SUMF1: variants seen among roughly 807,000 people sequenced by gnomAD.
The protein encoded by SUMF1 is formylglycine-generating enzyme.
A neutral mutation model predicts 47.6 loss-of-function variants in SUMF1; 48 were observed. That is an observed-to-expected ratio of 1.01 (90% CI 0.80 to 1.28). The LOEUF (loss-of-function observed/expected upper bound fraction) is 1.28, where lower values mean the gene tolerates loss of function less well. SUMF1 is among the 50% of genes most tolerant of loss of function. The pLI is 0.00. For missense variants in SUMF1, 571 were observed against 485.4 expected, an observed-to-expected ratio of 1.18 and a Z score of -1.66; for synonymous variants, 230 against 192.1, an observed-to-expected ratio of 1.20 and a Z score of -1.63.
At chr3:4,070,221 T>C (rs555479815) in intron 8 of SUMF1, among the ~76,000 whole-genome samples, 3 of 152,186 alleles carry the variant, frequency 2.0e-5, no homozygotes, top group African/African-American at 7.2e-5. Context: ...TTGATTGATG[T>C]CTCATGCCTC....
chr3:4,091,055 T>C (rs1692774730), intron 8 of SUMF1, among the ~76,000 whole-genome samples: 1 of 150,776 alleles, frequency 6.6e-6, no homozygotes, highest in Non-Finnish European at 1.5e-5. Flanking sequence ...CACTCCAGCC[T>C]GGGCGACAGA....
chr3:4,408,286 T>C (rs956577433), intron 7 of SUMF1, among the ~76,000 whole-genome samples: 17 of 152,304 alleles, frequency 1.1e-4, no homozygotes, highest in African/African-American at 3.8e-4. Flanking sequence ...ATAAAACATA[T>C]TGACGATATC....
rs549871002 is a variant in SUMF1 at position 4,342,444 on chromosome 3, A to G, written c.1014+33886T>C. Among the ~76,000 whole-genome samples the G allele has an allele frequency of 3.3e-5, 5 of 152,352 alleles. No homozygotes were observed. The South Asian group carries it at 6.2e-4, about 19-fold the overall frequency. On this transcript the variant is annotated intron_variant and NMD_transcript_variant, in intron 8 of 12. Transcript: ENST00000448413. ...GCTACTTGGGAGGCTGAGGCATAAG[A>G]ATAGCTTGAACCCAGAAGACAAAGG...
At chr3:4,154,679 A>G (rs1351043830) in intron 8 of SUMF1, among the ~76,000 whole-genome samples, 1 of 151,514 alleles carries the variant, frequency 6.6e-6, no homozygotes, top group Non-Finnish European at 1.5e-5. Flanking sequence ...TCATCTATTC[A>G]AAAAAATATT....
chr3:4,188,950 T>C (rs750223206), intron 8 of SUMF1, among the ~76,000 whole-genome samples: 7 of 152,204 alleles, frequency 4.6e-5, no homozygotes, highest in Non-Finnish European at 8.8e-5. Flanking sequence ...GTTATTAGCT[T>C]TAACTGTATA....
chr3:4,131,422 C>G (rs941710521), intron 8 of SUMF1, among the ~76,000 whole-genome samples: 1 of 152,138 alleles, frequency 6.6e-6, no homozygotes, highest in Non-Finnish European at 1.5e-5. Context: ...TCAAATGGGT[C>G]TGCACAATAT....
intron 8 of SUMF1, among the ~76,000 whole-genome samples, chr3:4,277,433 A>G (rs1216387226): frequency 6.6e-6 from 1 of 152,154 alleles, no homozygotes; most frequent in East Asian, 1.9e-4. Context: ...TACCCAGGAC[A>G]GTACAAGAAA....
At chr3:4,131,205 C>T (rs1693780505) in intron 8 of SUMF1, among the ~76,000 whole-genome samples, 1 of 152,170 alleles carries the variant, frequency 6.6e-6, no homozygotes, top group South Asian at 2.1e-4. Flanking sequence ...TGCGCAGTAA[C>T]TTTCCATCAT....
chr3:4,185,466 T>C lies in SUMF1; in HGVS notation c.1015-116721A>G, dbSNP rs57620024. On this transcript the variant is annotated intron_variant and NMD_transcript_variant, in intron 8 of 12. Coordinates refer to the SUMF1 transcript ENST00000448413. ...GCTCCAGTCCAATAACTACTATGAA[T>C]GCTTTTATGCTTTCTGTCCTCAACA... 9.4e-3 allele frequency among the ~76,000 whole-genome samples: 1,430 copies of C among 152,310 alleles called. 23 individuals are homozygous for C. Among genetic ancestry groups the C allele is most frequent in the African/African-American group, 0.033 (1,360 of 41,572 alleles).
Position 4,142,620 on chromosome 3 carries a change from A to G in SUMF1, c.1015-73875T>C, listed in dbSNP as rs184737596. ...TGCTTAAGGACTACAAAATACAGAT[A>G]AAGGCTAATCATCATTTTATGTGTT... On this transcript the variant is annotated intron_variant and NMD_transcript_variant, in intron 8 of 12. Coordinates refer to the SUMF1 transcript ENST00000448413. Among the ~76,000 whole-genome samples, 134 of 152,252 alleles carry G rather than the reference A, an allele frequency of 8.8e-4. 1 individual carries two copies. The highest frequency in any genetic ancestry group is 3.1e-3 in the African/African-American group (130 of 41,554).
At chr3:4,356,791 T>A (rs538949198), downstream of SUMF1, among the ~76,000 whole-genome samples, 32 of 152,310 alleles carry the variant, frequency 2.1e-4, no homozygotes, top group African/African-American at 7.0e-4. Flanking sequence ...GGAAACTGGA[T>A]AACTGAGCAA....
chr3:4,177,601 T>C (rs150184851), intron 8 of SUMF1, among the ~76,000 whole-genome samples: 3,108 of 152,026 alleles, frequency 0.02, 114 homozygotes, highest in African/African-American at 0.07. Context: ...AGATCTAAAA[T>C]CAACACCCTA....
chr3:4,446,801 C>T (rs1702796225), intron 3 of SUMF1, among the ~76,000 whole-genome samples: 1 of 152,114 alleles, frequency 6.6e-6, no homozygotes, highest in Admixed American at 6.6e-5. Context: ...GCTAAATGTC[C>T]TAGATTCTTC....
At chr3:4,391,812 T>C (rs1700873940) in intron 7 of SUMF1, among the ~76,000 whole-genome samples, 1 of 138,666 alleles carries the variant, frequency 7.2e-6, no homozygotes, top group Non-Finnish European at 1.6e-5. Flanking sequence ...GATAATTCCT[T>C]TTTCTTTTCT....
At chr3:4,119,022 C>T (rs1693481044) in intron 8 of SUMF1, among the ~76,000 whole-genome samples, 1 of 152,064 alleles carries the variant, frequency 6.6e-6, no homozygotes, top group South Asian at 2.1e-4. Flanking sequence ...GCATATACAA[C>T]ATTGATTTCA....
At chr3:4,078,695 C>G (rs928574021) in intron 8 of SUMF1, among the ~76,000 whole-genome samples, 1 of 151,742 alleles carries the variant, frequency 6.6e-6, no homozygotes, top group African/African-American at 2.4e-5. Flanking sequence ...GAGTTCAAGT[C>G]CAAGAATTTG....
At chr3:4,410,825 G>A (rs992665387) in intron 7 of SUMF1, 40 bp downstream of exon 7, 1 of 1,572,444 alleles carries the variant, frequency 6.4e-7, no homozygotes, top group African/African-American at 1.3e-5. Flanking sequence ...GAGGACAGAT[G>A]CCACCATTCC....
chr3:4,107,651 T>G (rs1051936252), intron 8 of SUMF1, among the ~76,000 whole-genome samples: 2 of 152,082 alleles, frequency 1.3e-5, no homozygotes, highest in African/African-American at 4.8e-5. Context: ...AATTATTCCC[T>G]ATTAAAGCGC....
intron 9 of SUMF1, among the ~76,000 whole-genome samples, chr3:4,068,297 G>A (rs1695427149): frequency 6.6e-6 from 1 of 151,896 alleles, no homozygotes; most frequent in Admixed American, 6.6e-5. Flanking sequence ...CCCCAATCCT[G>A]AGCCACCACA....
Sources: allele counts gnomAD v4.1 joint callset (sites outside exome capture counted in the v4.1 genomes callset), GRCh38; gene constraint gnomAD v4.1.1; transcripts MANE v1.5; gene names NCBI Gene and HGNC (gene_info 2026-07-23, HGNC 2026-07-21).